Variants in GTF2IRD2B observed in about 807,000 individuals in gnomAD.
GTF2IRD2B encodes GTF2I repeat domain containing 2B.
Under a neutral mutation model 55.6 loss-of-function variants are expected in GTF2IRD2B, and 10 were observed. The observed-to-expected ratio is 0.18, with a 90% CI of 0.11 to 0.31. The LOEUF (loss-of-function observed/expected upper bound fraction) is 0.31. Ranked by LOEUF, GTF2IRD2B falls within the 10% of genes least tolerant of loss-of-function variation. The pLI is 1.00. For synonymous variants in GTF2IRD2B, 107 were observed against 320.5 expected (o/e 0.33, Z 7.12); for missense variants, 206 against 802.7 (o/e 0.26, Z 8.98).
In GTF2IRD2B at chr7:75,135,009, C is replaced by CT; in HGVS notation, c.757_758insT (p.Pro253LeufsTer7). 8.0e-7 allele frequency: 1 copy of CT among 1,247,774 alleles called. No homozygotes were observed. The highest frequency in any genetic ancestry group is 1.1e-6 in the Non-Finnish European group (1 of 894,086). 77.3% of individuals were successfully genotyped at this position (1,247,774 alleles called of 1,614,324 possible). A position where few individuals can be genotyped will look rare whatever the true frequency, so the allele number is the denominator to read the frequency against. ...ATTTATTTTTCTTTCAGGAAGCCACCCTTCTTCCACAAGCAATGAAGTAAT... is the reference window on the plus strand; with the variant it reads ...ATTTATTTTTCTTTCAGGAAGCCACCTCTTCTTCCACAAGCAATGAAGTAAT... On this transcript the variant is annotated frameshift_variant, in exon 10 of 16. Transcript: ENST00000472837. LOFTEE classifies it high-confidence loss of function.
chr7:75,115,937 AGAGACAGAGTCTT>A (rs1355891446), intron 3 of GTF2IRD2B, among the ~76,000 whole-genome samples: 6 of 79,194 alleles, frequency 7.6e-5, no homozygotes, highest in Non-Finnish European at 1.3e-4. Flanking sequence ...TTTTTTTTTG[AGAGACAGAGTCTT>A]GCTCTGTTGC....
chr7:75,105,201 AAAAAC>A (rs1807744406), intron 1 of GTF2IRD2B, among the ~76,000 whole-genome samples: 1 of 151,810 alleles, frequency 6.6e-6, no homozygotes, highest in Non-Finnish European at 1.5e-5. Context: ...ACAAAAAACA[AAAAAC>A]AAAAAAAAAA....
chr7:75,102,626 T>C (rs1243187399), intron 1 of GTF2IRD2B, among the ~76,000 whole-genome samples: 1 of 151,488 alleles, frequency 6.6e-6, no homozygotes, highest in South Asian at 2.1e-4. Flanking sequence ...GCCACTGCAC[T>C]CCAGCCTGGG....
chr7:75,132,877 A>G lies in GTF2IRD2B; in HGVS notation c.671-258A>G, dbSNP rs1269426603. Among the ~76,000 whole-genome samples the G allele has an allele frequency of 2.7e-5, 4 of 147,594 alleles. 1 individual carries two copies. The highest frequency in any genetic ancestry group is 1.1e-4 in the African/African-American group (4 of 37,398). On this transcript the variant is annotated intron_variant, in intron 8 of 15. Coordinates refer to ENST00000472837, the MANE Select transcript of GTF2IRD2B (RefSeq NM_001003795.3). Reference sequence around the variant, plus strand: ...CCCCTCCTTCCTTCTTTCCTTTTCTATTGATTTTACAATTGATATTATTTT... The same window carrying G: ...CCCCTCCTTCCTTCTTTCCTTTTCTGTTGATTTTACAATTGATATTATTTT...
chr7:75,105,667 C>A (rs1807773390), intron 1 of GTF2IRD2B, among the ~76,000 whole-genome samples: 1 of 152,304 alleles, frequency 6.6e-6, no homozygotes, highest in African/African-American at 2.4e-5. Flanking sequence ...GATGATAACT[C>A]TAAGGGATCC....
In GTF2IRD2B at chr7:75,120,770, A is replaced by G. The variant is rs587638283; in HGVS notation, c.239-121A>G. On this transcript the variant is annotated intron_variant, in intron 3 of 15. Coordinates refer to ENST00000472837, the MANE Select transcript of GTF2IRD2B (RefSeq NM_001003795.3). ...ACAATTTTTTCTTGTTTTTCTTTAA[A>G]AGATCTTGTTTTATATTTATTCACT... 13 of 1,520,252 alleles carry G rather than the reference A, an allele frequency of 8.6e-6. No homozygotes were observed. In the Middle Eastern group the frequency reaches 9.7e-4, roughly 114 times the overall value. The allele number at this position is 1,520,252 out of a possible 1,614,324, so 94.2% of individuals were successfully genotyped here.
intron 1 of GTF2IRD2B, among the ~76,000 whole-genome samples, chr7:75,104,381 A>C (rs1245941627): frequency 6.6e-6 from 1 of 152,226 alleles, no homozygotes; most frequent in Non-Finnish European, 1.5e-5. Context: ...AGCCTCCAAA[A>C]GTGTTGGGAT....
chr7:75,123,503 A>G lies in GTF2IRD2B; in HGVS notation c.558A>G (p.Pro186=). 1.3e-6 allele frequency: 1 copy of G among 747,946 alleles called. No homozygotes were observed. Among genetic ancestry groups the G allele is most frequent in the Non-Finnish European group, 2.2e-6 (1 of 451,698 alleles). 46.3% of individuals were successfully genotyped at this position (747,946 alleles called of 1,614,324 possible). Residue 186 remains proline (P), a synonymous_variant, in exon 6 of 16, where the codon CCA becomes CCG. Coordinates refer to ENST00000472837, the MANE Select transcript of GTF2IRD2B (RefSeq NM_001003795.3). ...TTTCTTGCAGACCCTTCCTAGGACC[A>G]GAGAGTCAGCTGGGTAAGTGACAGC... ...SFIINRPFLG[P]ESQLGGPGMV...
intron 1 of GTF2IRD2B, among the ~76,000 whole-genome samples, chr7:75,105,091 G>A (rs1213840521): frequency 6.6e-6 from 1 of 152,302 alleles, no homozygotes; most frequent in South Asian, 2.1e-4. Context: ...CAGCCACCCG[G>A]GGGCTGAAAT....
At chr7:75,134,495 C>T (rs1241554040) in intron 9 of GTF2IRD2B, among the ~76,000 whole-genome samples, 1 of 133,806 alleles carries the variant, frequency 7.5e-6, no homozygotes, top group Non-Finnish European at 1.5e-5. Context: ...CATATGAAAA[C>T]ATCACCACAA....
rs781834469 is a variant in GTF2IRD2B, at chr7:75,123,218, G to A, written c.441G>A (p.Gly147=). 72 of 1,501,238 alleles carry A rather than the reference G, an allele frequency of 4.8e-5. 4 individuals are homozygous for A. In the Admixed American group the frequency reaches 1.0e-3, roughly 22 times the overall value. 93.0% of individuals were successfully genotyped at this position (1,501,238 alleles called of 1,614,324 possible). A position where few individuals can be genotyped will look rare whatever the true frequency, so the allele number is the denominator to read the frequency against. ...LRDQSAVVVQ[G]LPEGVAFQHP... is the part of the protein sequence containing the mutation. ...ACCAGTCGGCTGTGGTAGTGCAGGG[G>A]CTTCCGGAAGGCGTTGCCTTTCAAC... is the stretch of plus-strand genomic sequence containing the variant. Residue 147 remains glycine (G), a synonymous_variant, in exon 5 of 16, where the codon GGG becomes GGA. Transcript: ENST00000472837.
At chr7:75,143,851 TAAA>T (rs1188215103) in intron 14 of GTF2IRD2B, 96 bp from the exon 15 acceptor site, 1 of 412,448 alleles carries the variant, frequency 2.4e-6, no homozygotes, top group African/African-American at 2.5e-5. Flanking sequence ...TATTCTTCTG[TAAA>T]AAAATAAATA....
At chr7:75,109,250 G>A in intron 2 of GTF2IRD2B, among the ~76,000 whole-genome samples, 187 bp downstream of exon 2, 2 of 146,138 alleles carry the variant, frequency 1.4e-5, no homozygotes, top group Non-Finnish European at 3.0e-5. Context: ...TGCCTCCTGG[G>A]TTCAAGCAAT....
intron 1 of GTF2IRD2B, among the ~76,000 whole-genome samples, chr7:75,104,331 C>T (rs1434213068): frequency 2.6e-5 from 4 of 152,194 alleles, no homozygotes; most frequent in Admixed American, 2.6e-4. Context: ...GTTGGCCAGG[C>T]TGGTCTCGAA....
chr7:75,114,559 A>C (rs1554451105), intron 3 of GTF2IRD2B, among the ~76,000 whole-genome samples: 1 of 150,940 alleles, frequency 6.6e-6, no homozygotes, highest in Non-Finnish European at 1.5e-5. Context: ...CCCGTAGTTC[A>C]TTTTGCAACC....
chr7:75,112,695 G>A (rs1357104483), intron 3 of GTF2IRD2B, 160 bp downstream of exon 3: 4 of 1,578,996 alleles, frequency 2.5e-6, no homozygotes, highest in Non-Finnish European at 2.6e-6. Context: ...GCCTAACACT[G>A]CAGAGTCCAA....
rs1238848127 is a variant in GTF2IRD2B at position 75,092,714 on chromosome 7, T to A, written c.-57T>A. ...CCCTCGGCCATCGGCTGCTCCCCGG[T>A]GGCCCAGGCCTCGGACTCCGCGGCC... On this transcript the variant is annotated 5_prime_UTR_variant, in exon 1 of 16. Transcript: ENST00000472837. The A allele has an allele frequency of 6.5e-6, 1 of 153,184 alleles. No individual in the cohort carries two copies. The highest frequency in any genetic ancestry group is 1.5e-5 in the Non-Finnish European group (1 of 68,172). The allele number at this position is 153,184 out of a possible 1,614,324, so 9.5% of individuals were successfully genotyped here. A position where few individuals can be genotyped will look rare whatever the true frequency, so the allele number is the denominator to read the frequency against.
chr7:75,115,371 C>T (rs1554451185), intron 3 of GTF2IRD2B, among the ~76,000 whole-genome samples: 1 of 149,960 alleles, frequency 6.7e-6, no homozygotes, highest in African/African-American at 2.4e-5. Context: ...ATTTGCTCTT[C>T]TTCAAGATTA....
Position 75,148,276 on chromosome 7 carries a change from G to A in GTF2IRD2B, c.1829G>A (p.Trp610Ter). Residue 610 changes from tryptophan (W) to a stop codon, truncating the protein, a stop_gained, in exon 16 of 16, where the codon TGG becomes TAG. Transcript: ENST00000472837. LOFTEE classifies it high-confidence loss of function. Reference protein sequence around the residue: ...EKSLKKFCINWSRLVSVASTG... With the variant: ...EKSLKKFCIN ...AGCCTGAAAAAGTTCTGTATCAACT[G>A]GTCGAGATTAGTAAGCGTGGCCTCC... is the stretch of plus-strand genomic sequence containing the variant. 1 of 1,613,756 alleles carries A rather than the reference G, an allele frequency of 6.2e-7. No individual in the cohort carries two copies. Among genetic ancestry groups the A allele is most frequent in the Non-Finnish European group, 8.5e-7 (1 of 1,179,834 alleles).
Sources: gnomAD v4.1 joint callset for allele counts (sites outside exome capture counted in the v4.1 genomes callset) on GRCh38, gnomAD v4.1.1 for gene constraint, MANE v1.5 for transcripts, NCBI Gene and HGNC (gene_info 2026-07-23, HGNC 2026-07-21) for gene names.